RGL3: variants seen among roughly 807,000 people sequenced by gnomAD.
The protein encoded by RGL3 is ral guanine nucleotide dissociation stimulator-like 3.
In RGL3, 85 loss-of-function variants were observed where a neutral mutation model predicts 90.6. The observed-to-expected ratio is 0.94, with a 90% CI of 0.79 to 1.12. The LOEUF is 1.12. Among genes scored for constraint, RGL3 ranks in the 50% most tolerant of loss-of-function variants. The pLI is 0.00. For synonymous variants in RGL3, 408 were observed against 385.5 expected (o/e 1.06, Z -0.68); for missense variants, 1,034 against 939.2 (o/e 1.10, Z -1.32).
Position 11,402,631 on chromosome 19 carries a change from C to T in RGL3, c.1242+19G>A. 6.2e-7 allele frequency: 1 copy of T among 1,613,792 alleles called. No individual in the cohort carries two copies. The highest frequency in any genetic ancestry group is 1.7e-4 in the Middle Eastern group (1 of 6,060). ...CCTGAAGGTCCCACTTGTCCCCATC[C>T]CAAACTGTAATCACTCACTGAGGGC... On this transcript the variant is annotated intron_variant, in intron 10 of 18. Transcript: ENST00000380456.
At chr19:11,417,552 C>A (rs1252362690) in intron 2 of RGL3, among the ~76,000 whole-genome samples, 1 of 149,442 alleles carries the variant, frequency 6.7e-6, no homozygotes, top group Non-Finnish European at 1.5e-5. Context: ...CTCACTGCAA[C>A]CTCCGCCTCC....
At position 11,397,215 on chromosome 19, in the gene RGL3, A is replaced by G. The variant is rs183428395; in HGVS notation, c.2014+29T>C. 12 of 1,599,010 alleles carry G rather than the reference A, an allele frequency of 7.5e-6. No individual in the cohort carries two copies. The South Asian group carries it at 1.1e-4, about 15-fold the overall frequency. On this transcript the variant is annotated intron_variant, in intron 18 of 18. Coordinates refer to ENST00000380456, the MANE Select transcript of RGL3 (RefSeq NM_001035223.4). ...TCTGCTCGCCTCCCCGCTGCCCCCT[A>G]TCCTGAGCTCCAACCCATCCCTGCT...
chr19:11,418,638 G>T, intron 2 of RGL3, 33 bp downstream of exon 2: 1 of 1,495,906 alleles, frequency 6.7e-7, no homozygotes, highest in Non-Finnish European at 9.0e-7. Flanking sequence ...GGTCGCTTCC[G>T]GCCCCGCGCC....
rs771310768 is a variant in RGL3, at chr19:11,406,811, C to T, written c.691G>A (p.Glu231Lys). ...TGAGGCATGAGCCCTTCCTCTTCCT[C>T]CGCGCAGGCCTCTGAAGAGTCTGGG... ...SDPDSSEACA[E>K]EEEGLMPQGP... Residue 231 changes from glutamate to lysine, a missense_variant, in exon 6 of 19, where the codon GAG (glutamate) becomes AAG (lysine). Glu to Lys is a moderately conservative substitution (Grantham distance 56). Transcript: ENST00000380456. The T allele has an allele frequency of 1.9e-6, 3 of 1,591,428 alleles. No individual in the cohort carries two copies. The highest frequency in any genetic ancestry group is 1.3e-5 in the African/African-American group (1 of 74,802).
chr19:11,407,089 G>A (rs1968798167), intron 5 of RGL3: 2 of 461,832 alleles, frequency 4.3e-6, no homozygotes, highest in African/African-American at 4.0e-5. Flanking sequence ...GGGTTCAAGT[G>A]ATTCTCCTGC....
intron 2 of RGL3, 65 bp from the exon 3 acceptor site, chr19:11,417,124 C>A: frequency 5.5e-6 from 6 of 1,084,632 alleles, no homozygotes; most frequent in South Asian, 1.6e-5. Context: ...CTTCTCTAGT[C>A]ACATTCATCA....
At chr19:11,418,961 C>T in intron 1 of RGL3, 177 bp from the exon 2 acceptor site, 1 of 626,724 alleles carries the variant, frequency 1.6e-6, no homozygotes, top group Non-Finnish European at 2.7e-6. Flanking sequence ...TGCGGGTCCC[C>T]TCCTCCCAGG....
At chr19:11,418,873 C>G (rs1969054735) in intron 1 of RGL3, 89 bp from the exon 2 acceptor site, 1 of 1,017,564 alleles carries the variant, frequency 9.8e-7, no homozygotes, top group Non-Finnish European at 1.4e-6. Flanking sequence ...GCCGAGTCCT[C>G]CTGCTGCATC....
At chr19:11,403,152 C>G (rs1968709997) in intron 9 of RGL3, among the ~76,000 whole-genome samples, 1 of 151,492 alleles carries the variant, frequency 6.6e-6, no homozygotes, top group Non-Finnish European at 1.5e-5. Context: ...TCTCCTGCCT[C>G]AGCCTCTCAA....
At chr19:11,394,569 A>AC (rs1355140237) in intron 18 of RGL3, 49 bp from the exon 19 acceptor site, 7 of 1,430,244 alleles carry the variant, frequency 4.9e-6, no homozygotes, top group Non-Finnish European at 6.9e-6. Context: ...ACCTTGTGTC[A>AC]CCCCCACAGA....
At position 11,406,461 on chromosome 19, in the gene RGL3, C is replaced by T; in HGVS notation, c.954G>A (p.Pro318=). The T allele has an allele frequency of 6.5e-7, 1 of 1,549,406 alleles. No individual in the cohort carries two copies. Among genetic ancestry groups the T allele is most frequent in the Non-Finnish European group, 8.7e-7 (1 of 1,150,588 alleles). ...ACTTCTCCAGCCGCTGCGCCCTCTG[C>T]GGGGCGGCCAAGCCCGGTGCTCCGA... ...SVLGAPGLAA[P]QRAQRLEKWI... Residue 318 remains proline (P), a synonymous_variant, in exon 7 of 19, where the codon CCG becomes CCA. Coordinates refer to ENST00000380456, the MANE Select transcript of RGL3 (RefSeq NM_001035223.4).
chr19:11,396,134 C>CTATATA lies in RGL3; in HGVS notation c.2014+1109_2014+1110insTATATA, dbSNP rs1568334074. On this transcript the variant is annotated intron_variant, in intron 18 of 18. Coordinates refer to ENST00000380456, the MANE Select transcript of RGL3 (RefSeq NM_001035223.4). ...TCTCTCTCTCTCTCTCTCTCTCTCTCTCTATATATATATATATATATATAT... is the reference window on the plus strand; with the variant it reads ...TCTCTCTCTCTCTCTCTCTCTCTCTCTATATATCTATATATATATATATATATATAT... 3.6e-3 allele frequency among the ~76,000 whole-genome samples: 106 copies of CTATATA among 29,466 alleles called. 1 individual carries two copies. Among genetic ancestry groups the CTATATA allele is most frequent in the Admixed American group, 5.3e-3 (9 of 1,696 alleles). 19.3% of individuals were successfully genotyped at this position (29,466 alleles called of 152,430 possible).
At chr19:11,405,494 CTTTTTTTTTTTTTTTTTTTTTT>C (rs771398199) in intron 7 of RGL3, 68 bp from the exon 8 acceptor site, 5,571 of 162,940 alleles carry the variant, frequency 0.034, 40 homozygotes, top group Non-Finnish European at 0.043. Context: ...ACTTCTTCAT[CTTTTTTTTTTTTTTTTTTTTTT>C]TTTTTTTTTT....
At chr19:11,396,136 CTA>C (rs1568334082) in intron 18 of RGL3, among the ~76,000 whole-genome samples, 601 of 17,862 alleles carry the variant, frequency 0.034, 16 homozygotes, top group Non-Finnish European at 0.04. Context: ...CTCTCTCTCT[CTA>C]TATATATATA....
rs1324941160 is a variant in RGL3 at position 11,416,003 on chromosome 19, G to T, written c.571C>A (p.Leu191Ile). 6.2e-7 allele frequency: 1 copy of T among 1,613,986 alleles called. No individual in the cohort carries two copies. The highest frequency in any genetic ancestry group is 8.5e-7 in the Non-Finnish European group (1 of 1,179,986). Reference sequence around the variant, plus strand: ...GCCTCCTCCAAAAAATCTTCCAGAAGCTTCTCTGCTTTTTGAGCCTCAGCA... The same window carrying T: ...GCCTCCTCCAAAAAATCTTCCAGAATCTTCTCTGCTTTTTGAGCCTCAGCA... ...GSAEAQKAEK[L>I]LEDFLEEAER... Residue 191 changes from leucine (L) to isoleucine (I), a missense_variant, in exon 5 of 19, where the codon CTT becomes ATT. Transcript: ENST00000380456.
Position 11,397,585 on chromosome 19 carries a change from G to A in RGL3, c.1759C>T (p.Leu587=), listed in dbSNP as rs753557516. ...QGPSTKLPLS[L]DLPSPRPFAL... ...AAGGGCCGGGGGCTGGGCAGGTCCA[G>A]GCTCAGGGGCAGCTGCAGGCAGTAA... Residue 587 remains leucine (L), a synonymous_variant, in exon 17 of 19, where the codon CTG becomes TTG. Coordinates refer to ENST00000380456, the MANE Select transcript of RGL3 (RefSeq NM_001035223.4). The A allele has an allele frequency of 2.9e-5, 45 of 1,564,724 alleles. No homozygotes were observed. The highest frequency in any genetic ancestry group is 5.4e-5 in the African/African-American group (4 of 73,638).
rs774177147 is a variant in RGL3, at chr19:11,418,754, C to T, written c.64G>A (p.Glu22Lys). The T allele has an allele frequency of 3.2e-6, 5 of 1,571,660 alleles. No homozygotes were observed. Among genetic ancestry groups the T allele is most frequent in the Non-Finnish European group, 4.3e-6 (5 of 1,162,676 alleles). ...GAGACACTGTACACCGCGCCGTCCT[C>T]GGTCTCTTCACCCCAGTCCTGCAGC... ...APLQDWGEET[E>K]DGAVYSVSLR... The change falls in exon 2 of 19, where the codon GAG becomes AAG. Residue 22 changes from glutamate (E) to lysine (K), a missense_variant. Glu to Lys is a moderately conservative substitution (Grantham distance 56, BLOSUM62 1). Transcript: ENST00000380456.
intron 5 of RGL3, among the ~76,000 whole-genome samples, chr19:11,407,244 C>G (rs1192445935): frequency 6.6e-6 from 1 of 152,074 alleles, no homozygotes; most frequent in Admixed American, 6.6e-5. Context: ...CCTTGGCCTC[C>G]CAAAGTGCTG....
At chr19:11,405,530 TTTTTTTTTTGA>T in intron 7 of RGL3, 104 bp from the exon 8 acceptor site, 1 of 830,380 alleles carries the variant, frequency 1.2e-6, no homozygotes, top group Non-Finnish European at 1.7e-6. Flanking sequence ...TTTTTTTTTT[TTTTTTTTTTGA>T]GAGATAGGGT....
Sources: allele counts gnomAD v4.1 joint callset (sites outside exome capture counted in the v4.1 genomes callset), GRCh38; gene constraint gnomAD v4.1.1; transcripts MANE v1.5; gene names NCBI Gene and HGNC (gene_info 2026-07-23, HGNC 2026-07-21).